The following PMF1 variants were observed in gnomAD, a reference collection of about 807,000 sequenced individuals.
The protein encoded by PMF1 is polyamine-modulated factor 1.
In PMF1, 21 loss-of-function variants were observed where a neutral mutation model predicts 26.7. The ratio of observed to expected loss-of-function variants is 0.79; its 90% CI spans 0.56 to 1.13. The LOEUF is 1.13. Among genes scored for constraint, PMF1 ranks in the 50% most tolerant of loss-of-function variants. PMF1 has a pLI of 0.00. For synonymous variants in PMF1, 105 were observed against 101.0 expected (o/e 1.04, Z -0.24); for missense variants, 266 against 254.9 (o/e 1.04, Z -0.30).
intron 1 of PMF1, among the ~76,000 whole-genome samples, chr1:156,221,375 C>T (rs888575679): frequency 3.3e-5 from 5 of 152,212 alleles, no homozygotes; most frequent in Non-Finnish European, 5.9e-5. Context: ...TTCCCTGACC[C>T]GCTCTAAGGC....
chr1:156,236,588 G>T, intron 4 of PMF1, 105 bp downstream of exon 4: 1 of 1,421,912 alleles, frequency 7.0e-7, no homozygotes, highest in South Asian at 1.4e-5. Context: ...CCCACAGGGG[G>T]TAGGAGAGCT....
At chr1:156,220,186 G>A (rs925180590) in intron 1 of PMF1, among the ~76,000 whole-genome samples, 20 of 151,692 alleles carry the variant, frequency 1.3e-4, no homozygotes, top group Non-Finnish European at 2.2e-4. Flanking sequence ...GTATGGTCTC[G>A]ATCTCCTGAC....
chr1:156,233,519 C>T, intron 2 of PMF1, 109 bp from the exon 3 acceptor site: 3 of 1,062,892 alleles, frequency 2.8e-6, no homozygotes, highest in Non-Finnish European at 4.2e-6. Flanking sequence ...AGCATAAAGA[C>T]CTAGAACAGA....
chr1:156,213,260 C>T, intron 1 of PMF1, 84 bp downstream of exon 1: 8 of 1,554,818 alleles, frequency 5.1e-6, no homozygotes, highest in Non-Finnish European at 7.0e-6. Context: ...CAGGCTGGCG[C>T]GCGGTGACGT....
At position 156,218,516 on chromosome 1, in the gene PMF1, C is replaced by T. The variant is rs372698890; in HGVS notation, c.161+5340C>T. 2.0e-5 allele frequency among the ~76,000 whole-genome samples: 3 copies of T among 152,274 alleles called. No homozygotes were observed. The East Asian group carries it at 5.8e-4, about 29-fold the overall frequency. On this transcript the variant is annotated intron_variant, in intron 1 of 4. Transcript: ENST00000368277. ...CCAGATATAGGCCAGGCGCAGTGCT[C>T]ATGCTTGTAATCACCAGCACTTTGG... is the stretch of plus-strand genomic sequence containing the variant.
At chr1:156,228,288 T>TTTTTTTTTC (rs1371074585) in intron 1 of PMF1, among the ~76,000 whole-genome samples, 4 of 143,792 alleles carry the variant, frequency 2.8e-5, no homozygotes, top group Non-Finnish European at 6.1e-5. Context: ...TTTTTTTTTT[T>TTTTTTTTTC]AGTGTATCAC....
chr1:156,229,504 A>G (rs1410747498), intron 1 of PMF1, among the ~76,000 whole-genome samples: 1 of 151,768 alleles, frequency 6.6e-6, no homozygotes, highest in African/African-American at 2.4e-5. Context: ...TTACCTCAAG[A>G]GCAGAGTAAA....
intron 3 of PMF1, among the ~76,000 whole-genome samples, chr1:156,235,111 A>G (rs748793142): frequency 7.0e-6 from 1 of 141,916 alleles, no homozygotes; most frequent in Non-Finnish European, 1.5e-5. Flanking sequence ...AAGTTTCACA[A>G]CTGAAAAAGA....
intron 4 of PMF1, among the ~76,000 whole-genome samples, chr1:156,238,281 G>A (rs1033858806): frequency 1.5e-4 from 23 of 152,206 alleles, no homozygotes; most frequent in East Asian, 3.8e-4. Flanking sequence ...TTTAAATAAC[G>A]TGTATATTAG....
intron 1 of PMF1, chr1:156,223,994 A>G (rs1438621988): frequency 6.6e-6 from 1 of 152,202 alleles, no homozygotes; most frequent in Non-Finnish European, 1.5e-5. Flanking sequence ...TTTTATCTTC[A>G]TGCTAATATT....
At chr1:156,237,698 C>T (rs1009419915) in intron 4 of PMF1, among the ~76,000 whole-genome samples, 3 of 151,740 alleles carry the variant, frequency 2.0e-5, no homozygotes, top group African/African-American at 4.8e-5. Flanking sequence ...TCACCCACCT[C>T]AGCCTCACAA....
rs569532433 is a variant in PMF1, at chr1:156,236,553, T to C, written c.564+70T>C. ...CCTCTGAGATCCGCAAATTGGTGGC[T>C]TCCTCCATTCCAACACAGGGGACCC... On this transcript the variant is annotated intron_variant, in intron 4 of 4. Transcript: ENST00000368277. The C allele has an allele frequency of 9.3e-6, 14 of 1,510,274 alleles. No homozygotes were observed. In the African/African-American group the frequency reaches 1.8e-4, roughly 19 times the overall value. The allele number at this position is 1,510,274 out of a possible 1,614,324, so 93.6% of individuals were successfully genotyped here.
intron 1 of PMF1, among the ~76,000 whole-genome samples, chr1:156,214,971 G>A (rs916317549): frequency 2.6e-5 from 4 of 151,390 alleles, no homozygotes; most frequent in Admixed American, 6.6e-5. Flanking sequence ...TCCACCTGCC[G>A]GGTTCAAGTG....
intron 1 of PMF1, among the ~76,000 whole-genome samples, chr1:156,230,290 G>A (rs1000935993): frequency 4.6e-5 from 7 of 152,294 alleles, no homozygotes; most frequent in East Asian, 1.9e-4. Context: ...CAAGTCACTC[G>A]AACACCGCTT....
At chr1:156,222,554 G>C (rs555499143) in intron 1 of PMF1, among the ~76,000 whole-genome samples, 1 of 152,038 alleles carries the variant, frequency 6.6e-6, no homozygotes, top group Non-Finnish European at 1.5e-5. Context: ...GGCTAATTTT[G>C]TATTTGTAGT....
At chr1:156,218,317 A>T (rs12403273) in intron 1 of PMF1, among the ~76,000 whole-genome samples, 2,067 of 152,294 alleles carry the variant, frequency 0.014, 131 homozygotes, top group Admixed American at 0.11. Context: ...TGAGGAACAG[A>T]AGTCTTCAAT....
intron 4 of PMF1, among the ~76,000 whole-genome samples, chr1:156,238,863 G>A (rs1182616643): frequency 3.0e-5 from 4 of 135,202 alleles, no homozygotes; most frequent in East Asian, 4.3e-4. Context: ...CAGCAGGCGC[G>A]AAAGTGGTGG....
At chr1:156,232,919 CTTTTT>C (rs57297712) in intron 2 of PMF1, among the ~76,000 whole-genome samples, 3 of 114,318 alleles carry the variant, frequency 2.6e-5, no homozygotes, top group Non-Finnish European at 5.1e-5. Context: ...TTTTTTCTTC[CTTTTT>C]TTTTTTTTTT....
intron 2 of PMF1, among the ~76,000 whole-genome samples, chr1:156,233,222 C>A (rs1040373821): frequency 1.3e-5 from 2 of 152,024 alleles, no homozygotes; most frequent in African/African-American, 4.8e-5. Context: ...GGCGCAATCT[C>A]GGTTCACTAC....
Sources: gnomAD v4.1 joint callset for allele counts (sites outside exome capture counted in the v4.1 genomes callset) on GRCh38, gnomAD v4.1.1 for gene constraint, MANE v1.5 for transcripts, NCBI Gene and HGNC (gene_info 2026-07-23, HGNC 2026-07-21) for gene names.